Variants in ME2 observed in about 807,000 individuals in gnomAD.
ME2 encodes NAD-dependent malic enzyme, mitochondrial.
In ME2, 60 loss-of-function variants were observed where a neutral mutation model predicts 73.7. That is an observed-to-expected ratio of 0.81 (90% CI 0.66 to 1.01). The LOEUF is 1.01. Among genes scored for constraint, ME2 ranks in the 50% least tolerant of loss-of-function variants. The probability of loss-of-function intolerance (pLI) is 0.00; values close to 1 mark genes in which losing one functional copy is unlikely to be tolerated. For synonymous variants in ME2, 199 were observed against 236.9 expected, an observed-to-expected ratio of 0.84 and a Z score of 1.47; for missense variants, 594 against 705.5, an observed-to-expected ratio of 0.84 and a Z score of 1.79.
chr18:50,905,943 C>G (rs976662721), intron 2 of ME2, among the ~76,000 whole-genome samples: 2 of 152,146 alleles, frequency 1.3e-5, no homozygotes, highest in Non-Finnish European at 2.9e-5. Flanking sequence ...TAAGAGTGCC[C>G]TGGCCAAGGA....
At chr18:50,939,529 T>A in intron 13 of ME2, 41 bp from the exon 14 acceptor site, 1 of 1,386,162 alleles carries the variant, frequency 7.2e-7, no homozygotes, top group Non-Finnish European at 1.0e-6. Context: ...TTTCATAATT[T>A]GAAAAGTGAC....
chr18:50,896,307 C>T (rs1419278000), intron 2 of ME2, among the ~76,000 whole-genome samples: 1 of 152,186 alleles, frequency 6.6e-6, no homozygotes, highest in Non-Finnish European at 1.5e-5. Flanking sequence ...AAAGTAGGGT[C>T]AAAATTGTGA....
rs555104529 is a variant in ME2 at position 50,942,978 on chromosome 18, T to A, written c.1587+2592T>A. On this transcript the variant is annotated intron_variant, in intron 15 of 15. Transcript: ENST00000321341. ...ATAAGGGTATTCTTGTATTTTTTTT[T>A]CAATTTAGAGACAGAGTCTATGTTG... is the stretch of plus-strand genomic sequence containing the variant. Among the ~76,000 whole-genome samples, 8 of 152,276 alleles carry A rather than the reference T, an allele frequency of 5.3e-5. No individual in the cohort carries two copies. The East Asian group carries it at 1.5e-3, about 29-fold the overall frequency.
intron 10 of ME2, among the ~76,000 whole-genome samples, chr18:50,921,535 T>A (rs895464681): frequency 1.3e-5 from 2 of 152,186 alleles, no homozygotes; most frequent in African/African-American, 4.8e-5. Flanking sequence ...ATTGCAGTAT[T>A]GCAGTAGTTT....
chr18:50,889,889 A>T (rs189625226), intron 1 of ME2, among the ~76,000 whole-genome samples: 2 of 152,214 alleles, frequency 1.3e-5, no homozygotes, highest in Non-Finnish European at 2.9e-5. Flanking sequence ...TGGAATGTCC[A>T]AGAGTTAGTT....
Position 50,950,858 on chromosome 18 carries a change from A to T in ME2, c.*3674A>T, listed in dbSNP as rs1918209450. 3 of 152,274 alleles carry T rather than the reference A, an allele frequency of 2.0e-5. No homozygotes were observed. Among genetic ancestry groups the T allele is most frequent in the Non-Finnish European group, 4.4e-5 (3 of 68,040 alleles). 9.4% of individuals were successfully genotyped at this position (152,274 alleles called of 1,614,324 possible). On this transcript the variant is annotated 3_prime_UTR_variant, in exon 16 of 16. Transcript: ENST00000321341. ...CTGGTACAGTGAACAACATGCTGAG[A>T]GGCATTGCTCCAGGATACTGCATGT...
At chr18:50,938,892 A>T (rs1917875312) in intron 13 of ME2, among the ~76,000 whole-genome samples, 1 of 152,196 alleles carries the variant, frequency 6.6e-6, no homozygotes, top group African/African-American at 2.4e-5. Flanking sequence ...ATACTAAAAA[A>T]TCAAAGTAAA....
chr18:50,910,195 G>T (rs1277883765), intron 3 of ME2, among the ~76,000 whole-genome samples: 3 of 144,940 alleles, frequency 2.1e-5, no homozygotes, highest in Admixed American at 1.4e-4. Flanking sequence ...ATTTTGGGAG[G>T]TCAAGGTGGG....
chr18:50,942,101 C>A (rs1917978854), intron 15 of ME2, among the ~76,000 whole-genome samples: 3 of 152,098 alleles, frequency 2.0e-5, no homozygotes, highest in Non-Finnish European at 4.4e-5. Flanking sequence ...TTAATGCCTT[C>A]TGTCACTCCA....
At chr18:50,882,903 C>T (rs2144174460) in intron 1 of ME2, among the ~76,000 whole-genome samples, 1 of 152,146 alleles carries the variant, frequency 6.6e-6, no homozygotes, top group East Asian at 1.9e-4. Flanking sequence ...GAGCTGAGAT[C>T]ACACCACTGT....
intron 15 of ME2, among the ~76,000 whole-genome samples, chr18:50,944,645 C>A (rs1918040880): frequency 6.6e-6 from 1 of 152,080 alleles, no homozygotes; most frequent in Admixed American, 6.5e-5. Flanking sequence ...AGTGTGAGCC[C>A]CCCTTATGTC....
chr18:50,943,882 T>C (rs1224002056), intron 15 of ME2, among the ~76,000 whole-genome samples: 2 of 152,110 alleles, frequency 1.3e-5, no homozygotes, highest in African/African-American at 2.4e-5. Context: ...TATAGAATGA[T>C]ATTACAGGTG....
chr18:50,901,223 G>A (rs1163697333), intron 2 of ME2, among the ~76,000 whole-genome samples: 4 of 152,210 alleles, frequency 2.6e-5, no homozygotes, highest in Admixed American at 2.6e-4. Context: ...TTAAGGGAAT[G>A]CATTTTATCT....
intron 1 of ME2, among the ~76,000 whole-genome samples, chr18:50,892,901 G>A (rs1489609960): frequency 2.6e-5 from 4 of 151,876 alleles, no homozygotes; most frequent in East Asian, 1.9e-4. Context: ...CGAGGTGGGC[G>A]GATCACAAGG....
chr18:50,943,821 T>C (rs1051810940), intron 15 of ME2, among the ~76,000 whole-genome samples: 1 of 152,070 alleles, frequency 6.6e-6, no homozygotes, highest in Non-Finnish European at 1.5e-5. Flanking sequence ...TGCAAAACAG[T>C]TGAAGATTTT....
At chr18:50,901,500 T>C (rs931267295) in intron 2 of ME2, among the ~76,000 whole-genome samples, 1 of 152,204 alleles carries the variant, frequency 6.6e-6, no homozygotes, top group African/African-American at 2.4e-5. Context: ...AGAAAATATA[T>C]AACAAATGAA....
At chr18:50,910,610 C>T (rs774760545) in intron 3 of ME2, among the ~76,000 whole-genome samples, 1 of 152,128 alleles carries the variant, frequency 6.6e-6, no homozygotes, top group Non-Finnish European at 1.5e-5. Context: ...TTGGAGTTTG[C>T]TGGGCTGGCA....
At chr18:50,905,650 TG>T (rs1917001085) in intron 2 of ME2, among the ~76,000 whole-genome samples, 1 of 152,134 alleles carries the variant, frequency 6.6e-6, no homozygotes, top group Non-Finnish European at 1.5e-5. Context: ...CAACTCGAAG[TG>T]GGGGCTTCCA....
At chr18:50,887,312 G>T (rs1184150764) in intron 1 of ME2, among the ~76,000 whole-genome samples, 1 of 152,128 alleles carries the variant, frequency 6.6e-6, no homozygotes, top group Non-Finnish European at 1.5e-5. Flanking sequence ...CCACATGCAG[G>T]AGTGAAGAAA....
Sources: gnomAD v4.1 joint callset for allele counts (sites outside exome capture counted in the v4.1 genomes callset) on GRCh38, gnomAD v4.1.1 for gene constraint, MANE v1.5 for transcripts, NCBI Gene and HGNC (gene_info 2026-07-23, HGNC 2026-07-21) for gene names.